Variants in LTBP2 observed in about 807,000 individuals in gnomAD.
LTBP2 encodes latent transforming growth factor beta binding protein 2, also known as latent-transforming growth factor beta-binding protein 2.
LTBP2 carries 103 observed loss-of-function variants against 210.6 expected under a neutral mutation model. That is an observed-to-expected ratio of 0.49 (90% CI 0.42 to 0.58). LTBP2 has a LOEUF of 0.58. Among genes scored for constraint, LTBP2 ranks in the 20% least tolerant of loss-of-function variants. LTBP2 has a pLI of 0.00. For missense variants in LTBP2, 2,313 were observed against 2,494.5 expected (o/e 0.93, Z 1.55); for synonymous variants, 1,007 against 1,015.0 (o/e 0.99, Z 0.15).
At chr14:74,539,073 GGGCT>G (rs930880676) in intron 8 of LTBP2, among the ~76,000 whole-genome samples, 1 of 152,260 alleles carries the variant, frequency 6.6e-6, no homozygotes, top group African/African-American at 2.4e-5. Context: ...TGCTGCCAGA[GGGCT>G]GAGGAAAGAG....
In LTBP2 at chr14:74,586,482, C is replaced by T. The variant is rs146114399; in HGVS notation, c.566-364G>A. 1.3e-3 allele frequency among the ~76,000 whole-genome samples: 204 copies of T among 152,262 alleles called. 1 individual carries two copies. Among genetic ancestry groups the T allele is most frequent in the African/African-American group, 4.5e-3 (188 of 41,532 alleles). On this transcript the variant is annotated intron_variant, in intron 2 of 35. Transcript: ENST00000261978. The surrounding 1 kb of genome is among the most constrained non-coding windows in gnomAD (Gnocchi z 4.6). ...GCCCCCTGAGGACAGACAGCGGCCC[C>T]GGAACTTTGACTAGGGATTGCCACA... is the stretch of plus-strand genomic sequence containing the variant.
Position 74,502,764 on chromosome 14 carries a change from G to A in LTBP2, c.5059C>T (p.Pro1687Ser), listed in dbSNP as rs2086925768. 2 of 1,614,082 alleles carry A rather than the reference G, an allele frequency of 1.2e-6. No individual in the cohort carries two copies. Among genetic ancestry groups the A allele is most frequent in the Non-Finnish European group, 1.7e-6 (2 of 1,180,040 alleles). ...GCTGTGTTGGGGAAGGCAGGCTCAGGGACGGTGTCCTCGGGGCCCAGGTAG... is the reference window on the plus strand; with the variant it reads ...GCTGTGTTGGGGAAGGCAGGCTCAGAGACGGTGTCCTCGGGGCCCAGGTAG... ...YNYLGPEDTV[P>S]EPAFPNTAGH... Residue 1687 changes from proline (P) to serine (S), a missense_variant, in exon 34 of 36, where the codon CCT becomes TCT. Pro to Ser is a moderately conservative substitution (Grantham distance 74). Around this residue, in one of 3 missense-constraint regions of LTBP2, gnomAD observed 443 missense variants for 501.4 expected, o/e 0.88. Transcript: ENST00000261978.
intron 8 of LTBP2, among the ~76,000 whole-genome samples, chr14:74,549,059 T>A (rs2087614511): frequency 6.6e-6 from 1 of 152,230 alleles, no homozygotes; most frequent in African/African-American, 2.4e-5. Context: ...TCCAGCCTCC[T>A]GACAAAGCTG....
chr14:74,580,466 G>A (rs1362127031), intron 3 of LTBP2, among the ~76,000 whole-genome samples: 1 of 152,126 alleles, frequency 6.6e-6, no homozygotes, highest in African/African-American at 2.4e-5. Flanking sequence ...TGACTGAGGC[G>A]GGGTCAAGGT....
At position 74,612,082 on chromosome 14, in the gene LTBP2, G is replaced by A; in HGVS notation, c.-138C>T. On this transcript the variant is annotated 5_prime_UTR_variant, in exon 1 of 36. Coordinates refer to ENST00000261978, the MANE Select transcript of LTBP2 (RefSeq NM_000428.3). ...GAGTCTAGGGGGCCCTGAAGCGGCCGACTGGGGGCCCGGCTCTCGGCGGAA... is the reference window on the plus strand; with the variant it reads ...GAGTCTAGGGGGCCCTGAAGCGGCCAACTGGGGGCCCGGCTCTCGGCGGAA... 1 of 928,162 alleles carries A rather than the reference G, an allele frequency of 1.1e-6. No individual in the cohort carries two copies. Among genetic ancestry groups the A allele is most frequent in the Non-Finnish European group, 1.5e-6 (1 of 667,432 alleles). 57.5% of individuals were successfully genotyped at this position (928,162 alleles called of 1,614,324 possible).
intron 16 of LTBP2, 75 bp downstream of exon 16, chr14:74,522,715 T>A: frequency 6.6e-7 from 1 of 1,515,452 alleles, no homozygotes. Flanking sequence ...CTTCCTGGAC[T>A]CTCAACTCGG....
chr14:74,509,515 T>C, intron 21 of LTBP2, 152 bp from the exon 22 acceptor site: 1 of 1,249,094 alleles, frequency 8.0e-7, no homozygotes, highest in Non-Finnish European at 1.1e-6. Context: ...GCCCTCAGCT[T>C]CCCTCTTCTC....
Position 74,551,261 on chromosome 14 carries a change from C to G in LTBP2, c.1489G>C (p.Gly497Arg), listed in dbSNP as rs572046340. The G allele has an allele frequency of 6.2e-7, 1 of 1,610,438 alleles. No homozygotes were observed. Among genetic ancestry groups the G allele is most frequent in the South Asian group, 1.1e-5 (1 of 90,504 alleles). ...QIHQVAQVRGGVEEALVENSV... is the reference protein window; with the variant it reads ...QIHQVAQVRGRVEEALVENSV... ...TTCTCCACTAGGGCCTCCTCCACCC[C>G]GCCCCGCACCTGGGCCACCTGGTGG... The change falls in exon 7 of 36, where the codon GGG becomes CGG. Residue 497 changes from glycine to arginine, a missense_variant. Around this residue, in one of 3 missense-constraint regions of LTBP2, gnomAD observed 1,867 missense variants for 1,976.9 expected, o/e 0.94. Coordinates refer to ENST00000261978, the MANE Select transcript of LTBP2 (RefSeq NM_000428.3).
rs562759637 is a variant in LTBP2 at position 74,588,936 on chromosome 14, G to A, written c.566-2818C>T. Among the ~76,000 whole-genome samples the A allele has an allele frequency of 2.6e-5, 4 of 152,290 alleles. No homozygotes were observed. In the East Asian group the frequency reaches 7.7e-4, roughly 29 times the overall value. On this transcript the variant is annotated intron_variant, in intron 2 of 35. Transcript: ENST00000261978. ...CACTGACTCCCAGAAGGGTGGGCAT[G>A]GTTCTTCTTCTTCCTCTCTACTATT...
rs528130560 is a variant in LTBP2 at position 74,567,349 on chromosome 14, C to G, written c.831-11656G>C. 1.2e-4 allele frequency among the ~76,000 whole-genome samples: 18 copies of G among 152,326 alleles called. No homozygotes were observed. In the East Asian group the frequency reaches 3.5e-3, roughly 29 times the overall value. On this transcript the variant is annotated intron_variant, in intron 3 of 35. Coordinates refer to ENST00000261978, the MANE Select transcript of LTBP2 (RefSeq NM_000428.3). ...GCTGCCGGGCTGCCAAGCCCTGGCCCCTCGAGATCCTGCGCGGCCTTTGTT... is the reference window on the plus strand; with the variant it reads ...GCTGCCGGGCTGCCAAGCCCTGGCCGCTCGAGATCCTGCGCGGCCTTTGTT...
intron 26 of LTBP2, 148 bp downstream of exon 26, chr14:74,507,031 T>A: frequency 6.5e-7 from 1 of 1,538,494 alleles, no homozygotes; most frequent in South Asian, 1.2e-5. Context: ...TCCTGTGGCA[T>A]CTTTCATAAG....
chr14:74,511,098 C>A, intron 19 of LTBP2, 147 bp downstream of exon 19: 1 of 1,277,748 alleles, frequency 7.8e-7, no homozygotes, highest in South Asian at 1.2e-5. Context: ...TCATGCCCAG[C>A]GTCATCTGGG....
intron 6 of LTBP2, among the ~76,000 whole-genome samples, 179 bp downstream of exon 6, chr14:74,552,007 AG>A (rs1350198331): frequency 1.3e-5 from 2 of 151,942 alleles, no homozygotes; most frequent in Non-Finnish European, 2.9e-5. Flanking sequence ...TTCCGATGGG[AG>A]GGGGCTGAGA....
At chr14:74,557,900 A>G (rs900015638) in intron 3 of LTBP2, among the ~76,000 whole-genome samples, 1 of 152,194 alleles carries the variant, frequency 6.6e-6, no homozygotes, top group African/African-American at 2.4e-5. Context: ...CCCAGACCCC[A>G]GTGGGAGCTC....
In LTBP2 at chr14:74,611,453, C is replaced by A; in HGVS notation, c.492G>T (p.Thr164=). Residue 164 remains threonine (T), a splice_region_variant and synonymous_variant, in exon 1 of 36, where the codon ACG becomes ACT. Transcript: ENST00000261978. ...AAACTTCCCTCTCCCATGCTCACCC[C>A]GTGAGCCGCCCTCGCGGCGGGGTTG... The part of the protein sequence containing the change: ...APPTPPRGRL[T]GRNVCGGQCC... 3 of 1,490,976 alleles carry A rather than the reference C, an allele frequency of 2.0e-6. No homozygotes were observed. The highest frequency in any genetic ancestry group is 8.8e-7 in the Non-Finnish European group (1 of 1,132,514). 92.4% of individuals were successfully genotyped at this position (1,490,976 alleles called of 1,614,324 possible).
intron 17 of LTBP2, among the ~76,000 whole-genome samples, chr14:74,517,566 T>G (rs937700461): frequency 1.3e-5 from 2 of 152,010 alleles, no homozygotes; most frequent in African/African-American, 4.8e-5. Flanking sequence ...AGAGATGAGG[T>G]TTCACTATGT....
At position 74,509,258 on chromosome 14, in the gene LTBP2, G is replaced by A; in HGVS notation, c.3383C>T (p.Pro1128Leu). The A allele has an allele frequency of 6.2e-7, 1 of 1,613,648 alleles. No individual in the cohort carries two copies. The highest frequency in any genetic ancestry group is 8.5e-7 in the Non-Finnish European group (1 of 1,180,000). ...CATACCTTCACAGGAGTCACCCAGG[G>A]GGCTGGGCCGGTAGCCCCCATCGCA... ...KDCDGGYRPS[P>L]LGDSCEDVDE... The change falls in exon 22 of 36, where the codon CCC becomes CTC. Residue 1128 changes from proline to leucine, a missense_variant. Coordinates refer to ENST00000261978, the MANE Select transcript of LTBP2 (RefSeq NM_000428.3).
chr14:74,570,644 C>G (rs529585259), intron 3 of LTBP2, among the ~76,000 whole-genome samples: 1 of 152,108 alleles, frequency 6.6e-6, no homozygotes, highest in South Asian at 2.1e-4. Context: ...TTTTTATTTA[C>G]TTGATTAGTA....
At chr14:74,515,693 C>A (rs1441170977) in intron 18 of LTBP2, among the ~76,000 whole-genome samples, 2 of 152,188 alleles carry the variant, frequency 1.3e-5, no homozygotes, top group Non-Finnish European at 2.9e-5. Flanking sequence ...GAGGACCTAA[C>A]CCAGACACCT....
Sources: gnomAD v4.1 joint callset for allele counts (sites outside exome capture counted in the v4.1 genomes callset) on GRCh38, gnomAD v4.1.1 for gene constraint, gnomAD v4.1.1 regional missense constraint, Gnocchi (gnomAD v3.1) non-coding constraint, MANE v1.5 for transcripts, NCBI Gene and HGNC (gene_info 2026-07-23, HGNC 2026-07-21) for gene names.